Variants in ZNF804B observed in about 807,000 individuals in gnomAD.
The protein encoded by ZNF804B is zinc finger 804B.
ZNF804B carries 80 observed loss-of-function variants against 101.4 expected under a neutral mutation model. The ratio of observed to expected loss-of-function variants is 0.79; its 90% CI spans 0.66 to 0.95. The LOEUF (loss-of-function observed/expected upper bound fraction) is 0.95, where lower values mean the gene tolerates loss of function less well. ZNF804B is among the 40% of genes least tolerant of loss of function. The pLI is 0.00. For missense variants in ZNF804B, 1,673 were observed against 1,561.9 expected, an observed-to-expected ratio of 1.07 and a Z score of -1.20; for synonymous variants, 622 against 558.8, an observed-to-expected ratio of 1.11 and a Z score of -1.59.
intron 1 of ZNF804B, among the ~76,000 whole-genome samples, chr7:89,164,542 G>A (rs1431017759): frequency 6.6e-6 from 1 of 152,048 alleles, no homozygotes; most frequent in Non-Finnish European, 1.5e-5. Context: ...TTGATGGTTG[G>A]CACAGGGACA....
intron 2 of ZNF804B, among the ~76,000 whole-genome samples, chr7:89,261,044 G>C (rs1013181339): frequency 6.6e-6 from 1 of 152,158 alleles, no homozygotes; most frequent in Non-Finnish European, 1.5e-5. Context: ...ATTGAAATGA[G>C]TACTGTTACA....
intron 2 of ZNF804B, among the ~76,000 whole-genome samples, chr7:89,227,264 C>G (rs963529212): frequency 2.0e-5 from 3 of 152,170 alleles, no homozygotes; most frequent in African/African-American, 7.2e-5. Flanking sequence ...GATTTATTTT[C>G]AAACTGAGTT....
chr7:88,791,796 C>A (rs1425043013), intron 1 of ZNF804B, among the ~76,000 whole-genome samples: 2 of 152,106 alleles, frequency 1.3e-5, no homozygotes, highest in Non-Finnish European at 2.9e-5. Context: ...TATTTTTCCA[C>A]AGTGCTGCGT....
intron 1 of ZNF804B, among the ~76,000 whole-genome samples, chr7:89,152,566 A>G (rs1265486907): frequency 1.3e-5 from 2 of 152,234 alleles, no homozygotes; most frequent in East Asian, 1.9e-4. Context: ...GTACATTATT[A>G]TGATCTTTAT....
chr7:88,764,428 G>C (rs1276402282), intron 1 of ZNF804B, among the ~76,000 whole-genome samples: 1 of 152,102 alleles, frequency 6.6e-6, no homozygotes, highest in African/African-American at 2.4e-5. Context: ...TGAAAAATCA[G>C]GGTCGCTGAA....
intron 2 of ZNF804B, among the ~76,000 whole-genome samples, chr7:89,312,712 A>C (rs955946464): frequency 5.3e-5 from 8 of 152,106 alleles, no homozygotes; most frequent in Admixed American, 2.0e-4. Context: ...AATGGCATGC[A>C]GCTGGGTGCT....
At chr7:89,138,264 A>G (rs906116590) in intron 1 of ZNF804B, among the ~76,000 whole-genome samples, 8 of 152,072 alleles carry the variant, frequency 5.3e-5, no homozygotes, top group African/African-American at 1.9e-4. Flanking sequence ...GAAGAGGGCC[A>G]TTGTCCTCCA....
At chr7:88,958,775 A>C (rs1286676557) in intron 1 of ZNF804B, among the ~76,000 whole-genome samples, 1 of 151,410 alleles carries the variant, frequency 6.6e-6, no homozygotes, top group Non-Finnish European at 1.5e-5. Context: ...TACATTATTC[A>C]TTACCCTTCA....
At chr7:89,184,122 A>G (rs1788340327) in intron 1 of ZNF804B, among the ~76,000 whole-genome samples, 1 of 152,162 alleles carries the variant, frequency 6.6e-6, no homozygotes, top group African/African-American at 2.4e-5. Flanking sequence ...AGGAGCCCTT[A>G]GAGATGGCCT....
chr7:88,780,705 T>C (rs1790212974), intron 1 of ZNF804B, among the ~76,000 whole-genome samples: 1 of 152,102 alleles, frequency 6.6e-6, no homozygotes, highest in Non-Finnish European at 1.5e-5. Flanking sequence ...AAGACTCTAA[T>C]TGACAATTAC....
chr7:88,824,573 CTT>C (rs1468178106), intron 1 of ZNF804B, among the ~76,000 whole-genome samples: 2 of 152,182 alleles, frequency 1.3e-5, no homozygotes, highest in African/African-American at 4.8e-5. Context: ...TATGTACAAA[CTT>C]TACCTTATCT....
chr7:89,169,027 C>T (rs1791186563), intron 1 of ZNF804B, among the ~76,000 whole-genome samples: 1 of 152,098 alleles, frequency 6.6e-6, no homozygotes, highest in South Asian at 2.1e-4. Flanking sequence ...AAGAAGAGAA[C>T]CGTGGAACCC....
At chr7:89,090,540 T>G (rs1789867946) in intron 1 of ZNF804B, among the ~76,000 whole-genome samples, 1 of 152,096 alleles carries the variant, frequency 6.6e-6, no homozygotes, top group African/African-American at 2.4e-5. Flanking sequence ...AGTTTTAGTT[T>G]GTTGACTACT....
intron 2 of ZNF804B, among the ~76,000 whole-genome samples, chr7:89,297,491 T>C (rs1790401641): frequency 6.6e-6 from 1 of 152,106 alleles, no homozygotes; most frequent in Non-Finnish European, 1.5e-5. Flanking sequence ...CACAGAAGCC[T>C]ATGTTGCTAT....
At chr7:88,943,387 G>C (rs1584030248) in intron 1 of ZNF804B, among the ~76,000 whole-genome samples, 2 of 151,826 alleles carry the variant, frequency 1.3e-5, no homozygotes, top group Admixed American at 6.6e-5. Context: ...CCATATGATA[G>C]ATTCTATTTG....
chr7:89,111,248 A>G (rs1429651407), intron 1 of ZNF804B, among the ~76,000 whole-genome samples: 2 of 152,218 alleles, frequency 1.3e-5, no homozygotes, highest in African/African-American at 2.4e-5. Flanking sequence ...GACAAAGATC[A>G]AAGAATGAAT....
chr7:89,113,988 T>G (rs1253491102), intron 1 of ZNF804B, among the ~76,000 whole-genome samples: 1 of 151,646 alleles, frequency 6.6e-6, no homozygotes, highest in Non-Finnish European at 1.5e-5. Flanking sequence ...CAGGGATAGG[T>G]GCAAGAATTA....
chr7:88,878,607 T>A (rs2214631), intron 1 of ZNF804B, among the ~76,000 whole-genome samples: 57,898 of 152,002 alleles, frequency 0.38, 12,236 homozygotes, highest in East Asian at 0.56. Flanking sequence ...TGCATTTTTT[T>A]AATCACCTAT....
At chr7:89,171,360 TCC>T (rs55855540) in intron 1 of ZNF804B, among the ~76,000 whole-genome samples, 185 of 111,472 alleles carry the variant, frequency 1.7e-3, no homozygotes, top group Middle Eastern at 4.2e-3. Flanking sequence ...TTCTTCTTCC[TCC>T]TCTTCCTCTT....
Sources: gnomAD v4.1 joint callset for allele counts (sites outside exome capture counted in the v4.1 genomes callset) on GRCh38, gnomAD v4.1.1 for gene constraint, MANE v1.5 for transcripts, NCBI Gene and HGNC (gene_info 2026-07-23, HGNC 2026-07-21) for gene names.